ITLN1: variants seen among roughly 807,000 people sequenced by gnomAD.
ITLN1 encodes the protein intelectin-1.
ITLN1 carries 29 observed loss-of-function variants against 36.2 expected under a neutral mutation model. The observed-to-expected ratio is 0.80, with a 90% confidence interval of 0.60 to 1.09. The LOEUF (loss-of-function observed/expected upper bound fraction) is 1.09. Among genes scored for constraint, ITLN1 ranks in the 50% least tolerant of loss-of-function variants. The probability of loss-of-function intolerance (pLI) is 0.00; values close to 1 mark genes in which losing one functional copy is unlikely to be tolerated. For missense variants in ITLN1, 358 were observed against 405.2 expected (o/e 0.88, Z 1.00); for synonymous variants, 143 against 146.5 (o/e 0.98, Z 0.17).
intron 6 of ITLN1, 120 bp downstream of exon 6, chr1:160,880,468 G>A: frequency 3.1e-6 from 3 of 971,234 alleles, no homozygotes; most frequent in Admixed American, 4.7e-5. Flanking sequence ...AATCAAGTGG[G>A]GCAATATAGG....
rs137944084 is a variant in ITLN1, at chr1:160,883,149, T to C, written c.157+279A>G. Among the ~76,000 whole-genome samples, 18 of 152,286 alleles carry C rather than the reference T, an allele frequency of 1.2e-4. No homozygotes were observed. In the East Asian group the frequency reaches 3.5e-3, roughly 29 times the overall value. On this transcript the variant is annotated intron_variant, in intron 3 of 7. Coordinates refer to ENST00000326245, the MANE Select transcript of ITLN1 (RefSeq NM_017625.3). Reference sequence around the variant, plus strand: ...TCCTAAAGTGCTGGGATTACAGGCCTGAGCCACCGCACCCGGCCCCTCCAT... The same window carrying C: ...TCCTAAAGTGCTGGGATTACAGGCCCGAGCCACCGCACCCGGCCCCTCCAT...
chr1:160,881,907 C>A (rs751878320), intron 4 of ITLN1, 50 bp downstream of exon 4: 1 of 1,613,800 alleles, frequency 6.2e-7, no homozygotes, highest in South Asian at 1.1e-5. Context: ...TTGTGGCCAG[C>A]CACACTCCAC....
intron 7 of ITLN1, among the ~76,000 whole-genome samples, chr1:160,877,236 CAAA>C (rs1300452941): frequency 6.9e-6 from 1 of 145,604 alleles, no homozygotes; most frequent in Non-Finnish European, 1.5e-5. Context: ...GACCCTGTCT[CAAA>C]AGAAAAAAAA....
chr1:160,885,146 T>A lies in ITLN1; in HGVS notation c.-92A>T, dbSNP rs112656766. 1 of 362,330 alleles carries A rather than the reference T, an allele frequency of 2.8e-6. No homozygotes were observed. Among genetic ancestry groups the A allele is most frequent in the Non-Finnish European group, 5.1e-6 (1 of 197,844 alleles). The allele number at this position is 362,330 out of a possible 1,614,324, so 22.4% of individuals were successfully genotyped here. On this transcript the variant is annotated 5_prime_UTR_variant, in exon 1 of 8. Transcript: ENST00000326245. ...CACTGCGCCCTGGAGCTCAACAGAG[T>A]GCAGCTTTCTCCAAAAACGCTCCTG...
At chr1:160,882,385 A>G in intron 3 of ITLN1, 181 bp from the exon 4 acceptor site, 1 of 576,652 alleles carries the variant, frequency 1.7e-6, no homozygotes, top group Non-Finnish European at 2.9e-6. Flanking sequence ...TGCTCCTGTA[A>G]CTGAGGCAGA....
At position 160,881,969 on chromosome 1, in the gene ITLN1, G is replaced by A. The variant is rs768570437; in HGVS notation, c.393C>T (p.Ser131=). The A allele has an allele frequency of 5.1e-5, 83 of 1,613,924 alleles. No homozygotes were observed. Among genetic ancestry groups the A allele is most frequent in the African/African-American group, 1.3e-4 (10 of 74,866 alleles). Residue 131 remains serine (S), a synonymous_variant, in exon 4 of 8, where the codon AGC becomes AGT. Transcript: ENST00000326245. ...NTFGSAEAAT[S]DDYKNPGYYD... ...AAGTGGCACCAACCTTGTAGTCATC[G>A]CTCGTGGCCGCCTCTGCAGATCCAA...
intron 2 of ITLN1, among the ~76,000 whole-genome samples, chr1:160,883,728 T>G (rs1557856977): frequency 6.6e-6 from 1 of 152,084 alleles, no homozygotes; most frequent in Non-Finnish European, 1.5e-5. Flanking sequence ...ACTCAGCCCA[T>G]CCGACCTGAC....
At position 160,883,516 on chromosome 1, in the gene ITLN1, A is replaced by T. The variant is rs897784182; in HGVS notation, c.69T>A (p.Asn23Lys). 25 of 1,609,014 alleles carry T rather than the reference A, an allele frequency of 1.6e-5. No homozygotes were observed. The highest frequency in any genetic ancestry group is 1.9e-5 in the Non-Finnish European group (22 of 1,175,636). ...AACAGGTCCATTCCTTGAAGTAAGT[A>T]TTAGCCTCATCTAGGGAATACACAG... The part of the protein sequence containing the change: ...TTRGWSTDEA[N>K]TYFKEWTCSS... Residue 23 changes from asparagine (N) to lysine (K), a missense_variant, in exon 3 of 8, where the codon AAT (asparagine) becomes AAA (lysine). Asn to Lys is a moderately conservative substitution (Grantham distance 94). Transcript: ENST00000326245.
In ITLN1 at chr1:160,885,079, G is replaced by A. The variant is rs1352110648; in HGVS notation, c.-25C>T. Reference sequence around the variant, plus strand: ...CACAGACCTTGTCTGAGTCTCAGCTGCACTTTCCTTGGGTACAGAGAGCTC... The same window carrying A: ...CACAGACCTTGTCTGAGTCTCAGCTACACTTTCCTTGGGTACAGAGAGCTC... On this transcript the variant is annotated 5_prime_UTR_variant, in exon 1 of 8. Coordinates refer to ENST00000326245, the MANE Select transcript of ITLN1 (RefSeq NM_017625.3). The A allele has an allele frequency of 2.1e-5, 11 of 521,936 alleles. No homozygotes were observed. Among genetic ancestry groups the A allele is most frequent in the Non-Finnish European group, 3.5e-5 (10 of 287,834 alleles). The allele number at this position is 521,936 out of a possible 1,614,324, so 32.3% of individuals were successfully genotyped here.
At chr1:160,879,469 CT>C in intron 6 of ITLN1, 55 bp from the exon 7 acceptor site, 1 of 1,408,952 alleles carries the variant, frequency 7.1e-7, no homozygotes, top group Non-Finnish European at 1.0e-6. Flanking sequence ...AATTGCTTTC[CT>C]TAGGCCAGCC....
At chr1:160,879,518 A>G in intron 6 of ITLN1, 104 bp from the exon 7 acceptor site, 1 of 833,488 alleles carries the variant, frequency 1.2e-6, no homozygotes, top group Non-Finnish European at 2.0e-6. Context: ...CTACAGCCCA[A>G]CACTCCAGCT....
At chr1:160,884,404 A>ATTTATATATATATATATAT (rs1557857168) in intron 2 of ITLN1, among the ~76,000 whole-genome samples, 1 of 145,444 alleles carries the variant, frequency 6.9e-6, no homozygotes, top group African/African-American at 2.8e-5. Flanking sequence ...CCTTTTCTTT[A>ATTTATATATATATATATAT]AAAAAAAAAT....
In ITLN1 at chr1:160,876,818, T is replaced by C; in HGVS notation, c.790-2A>G. The C allele has an allele frequency of 6.2e-7, 1 of 1,613,640 alleles. No individual in the cohort carries two copies. Among genetic ancestry groups the C allele is most frequent in the Non-Finnish European group, 8.5e-7 (1 of 1,179,832 alleles). On this transcript the variant is annotated splice_acceptor_variant, in intron 7 of 7. Transcript: ENST00000326245. LOFTEE classifies it high-confidence loss of function. ...GTATCCTCCTCCACCAATGCAGTGC[T>C]GGGAAACAAAGAGAGGAAGAGGCAG...
In ITLN1 at chr1:160,885,121, C is replaced by A. The variant is rs1670738093; in HGVS notation, c.-67G>T. The A allele has an allele frequency of 4.5e-6, 2 of 443,328 alleles. No individual in the cohort carries two copies. The highest frequency in any genetic ancestry group is 6.7e-5 in the Admixed American group (2 of 30,036). The allele number at this position is 443,328 out of a possible 1,614,324, so 27.5% of individuals were successfully genotyped here. ...AGAGAGCTCCTTCACTCCCTCCCTC[C>A]ACTGCGCCCTGGAGCTCAACAGAGT... On this transcript the variant is annotated 5_prime_UTR_variant, in exon 1 of 8. Transcript: ENST00000326245.
At chr1:160,883,318 A>T (rs1453395630) in intron 3 of ITLN1, 110 bp downstream of exon 3, 7 of 672,558 alleles carry the variant, frequency 1.0e-5, no homozygotes, top group Non-Finnish European at 1.8e-5. Flanking sequence ...TATGTAAATT[A>T]TAATATACAT....
chr1:160,879,536 T>A, intron 6 of ITLN1, 122 bp from the exon 7 acceptor site: 1 of 738,852 alleles, frequency 1.4e-6, no homozygotes, highest in Non-Finnish European at 2.3e-6. Context: ...GCTGTACTGG[T>A]GGAGCCCAGC....
At chr1:160,881,802 A>C (rs1367945441) in intron 4 of ITLN1, among the ~76,000 whole-genome samples, 155 bp downstream of exon 4, 4 of 65,884 alleles carry the variant, frequency 6.1e-5, no homozygotes, top group Admixed American at 1.8e-4. Flanking sequence ...ACTCCGTCTC[A>C]AGAAAAAAAA....
At chr1:160,880,837 G>T in intron 5 of ITLN1, 129 bp from the exon 6 acceptor site, 1 of 1,135,910 alleles carries the variant, frequency 8.8e-7, no homozygotes, top group Non-Finnish European at 1.3e-6. Context: ...TTCAAAACCA[G>T]TCAAAATAAG....
chr1:160,881,361 G>A (rs764868859), intron 4 of ITLN1, 49 bp from the exon 5 acceptor site: 16 of 1,516,520 alleles, frequency 1.1e-5, no homozygotes, highest in Non-Finnish European at 1.4e-5. Flanking sequence ...GGTCCCAGGA[G>A]GCAGAAGGTC....
Sources: allele counts gnomAD v4.1 joint callset (sites outside exome capture counted in the v4.1 genomes callset), GRCh38; gene constraint gnomAD v4.1.1; transcripts MANE v1.5; gene names NCBI Gene and HGNC (gene_info 2026-07-23, HGNC 2026-07-21).